FLI1: variants seen among roughly 807,000 people sequenced by gnomAD.
The protein encoded by FLI1 is Friend leukemia integration 1 transcription factor.
Under a neutral mutation model 53.1 loss-of-function variants are expected in FLI1, and 13 were observed. That is an observed-to-expected ratio of 0.24 (90% confidence interval 0.16 to 0.39). The LOEUF (loss-of-function observed/expected upper bound fraction) is 0.39. Ranked by LOEUF, FLI1 falls within the 10% of genes least tolerant of loss-of-function variation. The pLI is 1.00. For synonymous variants in FLI1, 244 were observed against 236.7 expected (o/e 1.03, Z -0.28); for missense variants, 424 against 600.5 (o/e 0.71, Z 3.07).
chr11:128,701,638 A>T (rs551738578), intron 1 of FLI1, among the ~76,000 whole-genome samples: 1 of 152,240 alleles, frequency 6.6e-6, no homozygotes, highest in Non-Finnish European at 1.5e-5. Flanking sequence ...TGTGTCTGCC[A>T]TTTAGTTTAA....
rs140824440 is a variant in FLI1, at chr11:128,765,048, G to A, written c.231-3070G>A. Among the ~76,000 whole-genome samples, 627 of 152,058 alleles carry A rather than the reference G, an allele frequency of 4.1e-3. 3 individuals are homozygous for A. Among genetic ancestry groups the A allele is most frequent in the Admixed American group, 6.9e-3 (106 of 15,286 alleles). ...GCTGGAGAGCAGGTGTGTGCACAGGGCCGGGGGAGGGAGAGAGGAGGAGGG... is the reference window on the plus strand; with the variant it reads ...GCTGGAGAGCAGGTGTGTGCACAGGACCGGGGGAGGGAGAGAGGAGGAGGG... On this transcript the variant is annotated intron_variant, in intron 2 of 8. Transcript: ENST00000527786.
intron 2 of FLI1, among the ~76,000 whole-genome samples, chr11:128,765,668 C>T (rs922515536): frequency 3.9e-5 from 6 of 152,196 alleles, no homozygotes; most frequent in Non-Finnish European, 8.8e-5. Flanking sequence ...AAACCTTGCT[C>T]ACTTGGTTGC....
At chr11:128,754,029 C>A (rs985639055) in intron 1 of FLI1, among the ~76,000 whole-genome samples, 8 of 152,192 alleles carry the variant, frequency 5.3e-5, no homozygotes, top group Admixed American at 5.2e-4. Flanking sequence ...GGCCTTATCT[C>A]CCCAAATCTT....
chr11:128,786,476 T>C (rs1591812402), intron 5 of FLI1, among the ~76,000 whole-genome samples: 1 of 152,244 alleles, frequency 6.6e-6, no homozygotes, highest in East Asian at 1.9e-4. Context: ...CATTCAGTCC[T>C]CTAAAAAGTA....
At chr11:128,779,988 T>C (rs686972) in intron 4 of FLI1, among the ~76,000 whole-genome samples, 1 of 152,258 alleles carries the variant, frequency 6.6e-6, no homozygotes, top group East Asian at 1.9e-4. Flanking sequence ...TGCATCTAAC[T>C]TTTAAAAGAT....
chr11:128,728,597 G>C (rs1939571810), intron 1 of FLI1, among the ~76,000 whole-genome samples: 1 of 152,258 alleles, frequency 6.6e-6, no homozygotes, highest in Admixed American at 6.5e-5. Context: ...TGGGCACCCA[G>C]TATGCCCTGA....
intron 1 of FLI1, among the ~76,000 whole-genome samples, chr11:128,695,394 AGTCT>A (rs1938022196): frequency 6.6e-6 from 1 of 151,978 alleles, no homozygotes; most frequent in Admixed American, 6.6e-5. Context: ...ACCAAGCGGG[AGTCT>A]GTCTGGAAAA....
chr11:128,687,000 G>C (rs990990080), intron 1 of FLI1: 2 of 159,618 alleles, frequency 1.3e-5, no homozygotes, highest in African/African-American at 2.4e-5. Flanking sequence ...GTCCCAACGG[G>C]TGGGGTGCTC....
At chr11:128,685,665 C>T (rs1207094485), upstream of FLI1, among the ~76,000 whole-genome samples, 1 of 143,384 alleles carries the variant, frequency 7.0e-6, no homozygotes, top group Admixed American at 7.3e-5. Context: ...AGGAATATAC[C>T]TTGTCCCTGC....
chr11:128,762,956 CAA>C (rs11301220), intron 2 of FLI1, among the ~76,000 whole-genome samples: 50 of 146,346 alleles, frequency 3.4e-4, no homozygotes, highest in East Asian at 5.9e-4. Flanking sequence ...AACACCATCT[CAA>C]AAAAAAAAAA....
Position 128,764,954 on chromosome 11 carries a change from C to T in FLI1, c.231-3164C>T, listed in dbSNP as rs753935128. The T allele has an allele frequency of 1.4e-4, 134 of 985,280 alleles. No individual in the cohort carries two copies. The East Asian group carries it at 2.5e-3, about 18-fold the overall frequency. The allele number at this position is 985,280 out of a possible 1,614,324, so 61.0% of individuals were successfully genotyped here. ...AGGTCCTAGTGCAGAAGCCTGGGACCGAGGACAGGGCCATTTTCCAGAGGA... is the reference window on the plus strand; with the variant it reads ...AGGTCCTAGTGCAGAAGCCTGGGACTGAGGACAGGGCCATTTTCCAGAGGA... On this transcript the variant is annotated intron_variant, in intron 2 of 8. Transcript: ENST00000527786.
At chr11:128,802,604 T>C (rs1353739876) in intron 5 of FLI1, among the ~76,000 whole-genome samples, 2 of 152,240 alleles carry the variant, frequency 1.3e-5, no homozygotes, top group Non-Finnish European at 2.9e-5. Flanking sequence ...TTTTCACCTA[T>C]GTGAGGACTG....
intron 1 of FLI1, among the ~76,000 whole-genome samples, chr11:128,713,937 A>G (rs1938898457): frequency 6.6e-6 from 1 of 152,178 alleles, no homozygotes; most frequent in South Asian, 2.1e-4. Context: ...TGTGGCCATA[A>G]GCCATTTTCT....
upstream of FLI1, chr11:128,693,692 G>A: frequency 4.3e-6 from 1 of 233,128 alleles, no homozygotes; most frequent in Non-Finnish European, 8.5e-6. Flanking sequence ...GTGATGGGGG[G>A]AGGTTCAGAC....
At chr11:128,735,086 G>A (rs530747844) in intron 1 of FLI1, among the ~76,000 whole-genome samples, 1 of 152,182 alleles carries the variant, frequency 6.6e-6, no homozygotes, top group Admixed American at 6.5e-5. Flanking sequence ...TCAGCAAAGT[G>A]GGGGAGGGGA....
intron 1 of FLI1, among the ~76,000 whole-genome samples, chr11:128,739,402 C>T (rs768277694): frequency 6.6e-5 from 10 of 152,178 alleles, no homozygotes; most frequent in Non-Finnish European, 1.3e-4. Context: ...ACACTCCTTA[C>T]GCTCCTGCTG....
At chr11:128,762,358 T>C (rs1181508108) in intron 2 of FLI1, among the ~76,000 whole-genome samples, 1 of 152,204 alleles carries the variant, frequency 6.6e-6, no homozygotes, top group Non-Finnish European at 1.5e-5. Context: ...GTATAAAATT[T>C]GAGATTGCTT....
chr11:128,744,081 A>G (rs547533627), intron 1 of FLI1, among the ~76,000 whole-genome samples: 1 of 152,298 alleles, frequency 6.6e-6, no homozygotes, highest in South Asian at 2.1e-4. Context: ...GGCTGTCCTC[A>G]GTTCCCCTGA....
chr11:128,765,621 G>A (rs1186511592), intron 2 of FLI1, among the ~76,000 whole-genome samples: 3 of 152,198 alleles, frequency 2.0e-5, no homozygotes, highest in African/African-American at 7.2e-5. Context: ...CGTGCAGTGT[G>A]GAGCCCACCT....
Sources: allele counts gnomAD v4.1 joint callset (sites outside exome capture counted in the v4.1 genomes callset), GRCh38; gene constraint gnomAD v4.1.1; transcripts MANE v1.5; gene names NCBI Gene and HGNC (gene_info 2026-07-23, HGNC 2026-07-21).